The following DRC4 variants were observed in gnomAD, a reference collection of about 807,000 sequenced individuals.
DRC4 encodes dynein regulatory complex subunit 4, also known as GAS-11.
At chr16:90,022,552 C>G in the DRC4 span, 7 of 646,122 alleles carry the variant, frequency 1.1e-5, no homozygotes, top group Non-Finnish European at 1.6e-5. Flanking sequence ...CTTCCGGACG[C>G]CCGTCTCTAG....
the DRC4 span, chr16:90,037,924 C>T: frequency 2.9e-5 from 39 of 1,340,902 alleles, 1 homozygote; most frequent in Admixed American, 1.5e-4. Flanking sequence ...CCAAGGTGAG[C>T]GGGCACTAGG....
chr16:90,025,017 C>CTTT, the DRC4 span, among the ~76,000 whole-genome samples: 8 of 137,338 alleles, frequency 5.8e-5, no homozygotes, highest in Admixed American at 2.2e-4. Flanking sequence ...TTCTCTCTCT[C>CTTT]TTTTTTTTTT....
chr16:90,020,102 C>A, the DRC4 span: 1 of 618,456 alleles, frequency 1.6e-6, no homozygotes, highest in South Asian at 1.8e-5. Flanking sequence ...ATTCACTTCC[C>A]TCCACTGCTG....
the DRC4 span, chr16:90,036,182 CAGT>C: frequency 1.5e-5 from 9 of 600,852 alleles, no homozygotes; most frequent in East Asian, 1.4e-4. Flanking sequence ...GGCAGGCCGA[CAGT>C]GGTGTGTGTG....
chr16:90,033,879 C>T, the DRC4 span, among the ~76,000 whole-genome samples: 5 of 151,322 alleles, frequency 3.3e-5, no homozygotes, highest in Non-Finnish European at 7.4e-5. Flanking sequence ...CGGTTTTGTA[C>T]AAGCAGTTGA....
At chr16:90,032,067 G>C in the DRC4 span, among the ~76,000 whole-genome samples, 3 of 151,940 alleles carry the variant, frequency 2.0e-5, no homozygotes, top group South Asian at 2.1e-4. Context: ...AGGCGACCAG[G>C]TGTGTACGGG....
At chr16:90,043,748 A>G in the DRC4 span, 1 of 475,494 alleles carries the variant, frequency 2.1e-6, no homozygotes, top group Non-Finnish European at 4.3e-6. Context: ...CTTCATTGAC[A>G]CCTGAGTCAC....
chr16:90,024,325 G>A, the DRC4 span, among the ~76,000 whole-genome samples: 8 of 152,102 alleles, frequency 5.3e-5, no homozygotes, highest in African/African-American at 1.9e-4. Flanking sequence ...TAGGTGCACC[G>A]GCCCAGTCAG....
At chr16:90,020,110 C>A in the DRC4 span, 1 of 605,264 alleles carries the variant, frequency 1.7e-6, no homozygotes, top group South Asian at 1.9e-5. Flanking sequence ...CCCTCCACTG[C>A]TGGGTCATTT....
chr16:90,021,063 A>G, the DRC4 span, among the ~76,000 whole-genome samples: 1 of 152,232 alleles, frequency 6.6e-6, no homozygotes, highest in Non-Finnish European at 1.5e-5. Flanking sequence ...GACCAGCCAG[A>G]CTTCACAGAG....
the DRC4 span, chr16:90,019,833 G>A: frequency 1.5e-6 from 1 of 688,588 alleles, no homozygotes; most frequent in South Asian, 1.5e-5. This position sits in a 1 kb window ranked among gnomAD's most constrained non-coding sequence, Gnocchi z 6.1. Context: ...GGCACAGGAG[G>A]GGCCTGACTC....
the DRC4 span, chr16:90,036,366 G>C: frequency 3.1e-6 from 5 of 1,591,228 alleles, no homozygotes; most frequent in Non-Finnish European, 4.3e-6. Flanking sequence ...GCTGCTGTTT[G>C]CTGCTGCCTT....
chr16:90,031,391 CT>C, the DRC4 span: 1 of 1,613,928 alleles, frequency 6.2e-7, no homozygotes, highest in Non-Finnish European at 8.5e-7. Context: ...AGATCCACAC[CT>C]TCTGGGAGAT....
chr16:90,042,390 G>T, the DRC4 span: 1 of 1,113,200 alleles, frequency 9.0e-7, no homozygotes, highest in Non-Finnish European at 1.4e-6. Context: ...CTCTCAGAAC[G>T]CCCACTGGAG....
chr16:90,029,224 C>T, the DRC4 span: 3 of 1,007,996 alleles, frequency 3.0e-6, no homozygotes, highest in Non-Finnish European at 3.7e-6. Context: ...GGGGCAGGCC[C>T]TTGCACTGCA....
At chr16:90,024,605 T>C in the DRC4 span, among the ~76,000 whole-genome samples, 1 of 152,154 alleles carries the variant, frequency 6.6e-6, no homozygotes, top group South Asian at 2.1e-4. Flanking sequence ...GAGACAAGGC[T>C]CACTAGCCGC....
chr16:90,029,180 G>A, the DRC4 span: 1 of 1,345,898 alleles, frequency 7.4e-7, no homozygotes, highest in African/African-American at 1.5e-5. Flanking sequence ...CAGCTTACGG[G>A]GCAGGCTATG....
the DRC4 span, among the ~76,000 whole-genome samples, chr16:90,030,055 C>G: frequency 0.049 from 7,408 of 152,264 alleles, 218 homozygotes; most frequent in East Asian, 0.1. Context: ...CCGCGCCTGG[C>G]AGTAACTGAT....
the DRC4 span, among the ~76,000 whole-genome samples, chr16:90,023,292 G>A: frequency 4.6e-5 from 7 of 152,328 alleles, no homozygotes; most frequent in Non-Finnish European, 1.0e-4. Flanking sequence ...AGGAACCACT[G>A]TTCCCTTGGA....
Sources: gnomAD v4.1 joint callset for allele counts (sites outside exome capture counted in the v4.1 genomes callset) on GRCh38, gnomAD v4.1.1 for gene constraint, Gnocchi (gnomAD v3.1) non-coding constraint, MANE v1.5 for transcripts, NCBI Gene and HGNC (gene_info 2026-07-23, HGNC 2026-07-21) for gene names.